NID1: variants seen among roughly 807,000 people sequenced by gnomAD.
NID1 encodes nidogen-1.
In NID1, 76 loss-of-function variants were observed where a neutral mutation model predicts 130.6. The observed-to-expected ratio is 0.58, with a 90% CI of 0.48 to 0.70. NID1 has a LOEUF of 0.70. Among genes scored for constraint, NID1 ranks in the 30% least tolerant of loss-of-function variants. The pLI is 0.00. For missense variants in NID1, 1,517 were observed against 1,664.8 expected, an observed-to-expected ratio of 0.91 and a Z score of 1.54; for synonymous variants, 665 against 675.1, an observed-to-expected ratio of 0.98 and a Z score of 0.23.
chr1:236,051,982 TA>T (rs1307831502), intron 1 of NID1, among the ~76,000 whole-genome samples: 1 of 152,258 alleles, frequency 6.6e-6, no homozygotes, highest in Non-Finnish European at 1.5e-5. Flanking sequence ...AACGGTCATA[TA>T]ACCCTCATTA....
intron 12 of NID1, among the ~76,000 whole-genome samples, chr1:236,008,553 T>A (rs543833323): frequency 3.4e-4 from 52 of 152,198 alleles, no homozygotes; most frequent in African/African-American, 1.3e-3. Flanking sequence ...CAGGCTGGAG[T>A]GCAGTGGTGC....
At position 236,032,627 on chromosome 1, in the gene NID1, C is replaced by T. The variant is rs140127203; in HGVS notation, c.1311G>A (p.Lys437=). 2.2e-5 allele frequency: 35 copies of T among 1,614,054 alleles called. No homozygotes were observed. The highest frequency in any genetic ancestry group is 2.7e-5 in the Non-Finnish European group (32 of 1,180,058). The change falls in exon 6 of 20, where the codon AAG becomes AAA. Residue 437 remains lysine, a synonymous_variant. Transcript: ENST00000264187. Reference sequence around the variant, plus strand: ...TCCCCACAAAGATCCTTCCTTTCACCTTGCCATTGACTCGCTGGGGGGAAC... The same window carrying T: ...TCCCCACAAAGATCCTTCCTTTCACTTTGCCATTGACTCGCTGGGGGGAAC... ...AEGSPQRVNG[K]VKGRIFVGSS... is the part of the protein sequence containing the mutation.
chr1:236,032,728 C>A (rs1238687616), intron 5 of NID1, 76 bp from the exon 6 acceptor site: 1 of 1,547,822 alleles, frequency 6.5e-7, no homozygotes, highest in Non-Finnish European at 8.7e-7. Flanking sequence ...TATGTAGGAC[C>A]TGTACCTATT....
chr1:236,031,681 A>G (rs1659106504), intron 6 of NID1, among the ~76,000 whole-genome samples: 1 of 152,168 alleles, frequency 6.6e-6, no homozygotes, highest in Non-Finnish European at 1.5e-5. Flanking sequence ...GTGACCAGCG[A>G]TGAAGGACAC....
chr1:236,061,034 G>A (rs373802149), intron 1 of NID1, among the ~76,000 whole-genome samples: 5 of 152,276 alleles, frequency 3.3e-5, no homozygotes, highest in South Asian at 4.1e-4. Flanking sequence ...TGCCTTTCCA[G>A]AATGAACAGT....
In NID1 at chr1:236,019,986, G is replaced by C. The variant is rs60635630; in HGVS notation, c.2129-2713C>G. ...CAGGGGGTGGAGGTTGCAGTGAGCC[G>C]AAATTGCGCCATTGTACTCCTGCCT... On this transcript the variant is annotated intron_variant, in intron 9 of 19. Transcript: ENST00000264187. 2.8e-3 allele frequency among the ~76,000 whole-genome samples: 396 copies of C among 141,566 alleles called. 1 individual carries two copies. The highest frequency in any genetic ancestry group is 9.7e-3 in the African/African-American group (361 of 37,346). 92.9% of individuals were successfully genotyped at this position (141,566 alleles called of 152,430 possible). A position where few individuals can be genotyped will look rare whatever the true frequency, so the allele number is the denominator to read the frequency against.
At chr1:236,031,562 G>A (rs1659103248) in intron 6 of NID1, among the ~76,000 whole-genome samples, 1 of 152,218 alleles carries the variant, frequency 6.6e-6, no homozygotes, top group Non-Finnish European at 1.5e-5. Flanking sequence ...ATAAAGCCTT[G>A]GCTAAGGCTC....
rs1249628313 is a variant in NID1 at position 236,020,057 on chromosome 1, AAC to A, written c.2129-2786_2129-2785del. On this transcript the variant is annotated intron_variant, in intron 9 of 19. Coordinates refer to ENST00000264187, the MANE Select transcript of NID1 (RefSeq NM_002508.3). ...GCCTTAAAAAAAAAAAAAAAAAAAA[AAC>A]AAAAACAAACTTCTTTTCTATAAAT... Among the ~76,000 whole-genome samples, 928 of 134,058 alleles carry A rather than the reference AAC, an allele frequency of 6.9e-3. 17 individuals are homozygous for A. Among genetic ancestry groups the A allele is most frequent in the African/African-American group, 0.023 (803 of 34,840 alleles). 87.9% of individuals were successfully genotyped at this position (134,058 alleles called of 152,430 possible). A position where few individuals can be genotyped will look rare whatever the true frequency, so the allele number is the denominator to read the frequency against.
In NID1 at chr1:236,017,164, A is replaced by G. The variant is rs889237842; in HGVS notation, c.2238T>C (p.Asp746=). 4 of 1,614,036 alleles carry G rather than the reference A, an allele frequency of 2.5e-6. No individual in the cohort carries two copies. The highest frequency in any genetic ancestry group is 1.7e-5 in the Admixed American group (1 of 60,008). Residue 746 remains aspartate, a synonymous_variant, in exon 10 of 20, where the codon GAT becomes GAC. Transcript: ENST00000264187. ...CECVEGYQFS[D]EGTCVAVVDQ... ...AGAACTTACCCACACACGTTCCCTC[A>G]TCTGAAAACTGGTAGCCCTCCACAC... is the stretch of plus-strand genomic sequence containing the variant.
chr1:235,985,718 A>G (rs887478529), intron 14 of NID1, among the ~76,000 whole-genome samples: 3 of 150,730 alleles, frequency 2.0e-5, no homozygotes, highest in African/African-American at 7.4e-5. Flanking sequence ...CTATATGTAT[A>G]GGAATTTGTG....
intron 9 of NID1, among the ~76,000 whole-genome samples, chr1:236,017,749 A>G (rs757479295): frequency 1.3e-5 from 2 of 152,180 alleles, no homozygotes; most frequent in Non-Finnish European, 2.9e-5. Context: ...ATAACTGGAG[A>G]GAGTGATCCC....
chr1:236,001,569 A>G (rs759700821), intron 12 of NID1, among the ~76,000 whole-genome samples: 2 of 152,226 alleles, frequency 1.3e-5, no homozygotes, highest in Non-Finnish European at 2.9e-5. Context: ...GGGGCCACTA[A>G]GAACAACACT....
intron 8 of NID1, among the ~76,000 whole-genome samples, chr1:236,025,300 C>T (rs898514780): frequency 2.3e-4 from 31 of 132,406 alleles, no homozygotes; most frequent in African/African-American, 8.5e-4. Context: ...CTCACTCTGT[C>T]GCCCAGGCTG....
chr1:236,001,394 C>T (rs1222214940), intron 12 of NID1, among the ~76,000 whole-genome samples: 1 of 152,088 alleles, frequency 6.6e-6, no homozygotes, highest in African/African-American at 2.4e-5. Flanking sequence ...CTTGAGCCAC[C>T]ACGCCCAGCC....
At chr1:235,999,962 C>A (rs1045283666) in intron 12 of NID1, among the ~76,000 whole-genome samples, 22 of 152,136 alleles carry the variant, frequency 1.4e-4, no homozygotes, top group African/African-American at 5.3e-4. Flanking sequence ...GCCTGTAATC[C>A]CAGCGCTTTG....
rs1483977863 is a variant in NID1, at chr1:236,041,946, C to T, written c.1099G>A (p.Val367Ile). 1 of 1,613,782 alleles carries T rather than the reference C, an allele frequency of 6.2e-7. No homozygotes were observed. Among genetic ancestry groups the T allele is most frequent in the Middle Eastern group, 1.7e-4 (1 of 6,056 alleles). Residue 367 changes from valine to isoleucine, a missense_variant, in exon 4 of 20, where the codon GTC (valine) becomes ATC (isoleucine). Coordinates refer to ENST00000264187, the MANE Select transcript of NID1 (RefSeq NM_002508.3). The part of the protein sequence containing the change: ...VETFHQQHPQ[V>I]IDVDEVEETG... The stretch of plus-strand genomic sequence containing the variant: ...TCCTCAACTTCATCCACATCTATGA[C>T]CTGAGGGTGCTGCTGGTGAAAAGTC...
At position 236,065,025 on chromosome 1, in the gene NID1, G is replaced by A. The variant is rs1385641766; in HGVS notation, c.55C>T (p.Pro19Ser). 2.6e-6 allele frequency: 4 copies of A among 1,559,994 alleles called. No individual in the cohort carries two copies. Among genetic ancestry groups the A allele is most frequent in the Non-Finnish European group, 3.5e-6 (4 of 1,152,274 alleles). The change falls in exon 1 of 20, where the codon CCG becomes TCG. Residue 19 changes from proline (P) to serine (S), a missense_variant. By Grantham distance (74) the Pro-to-Ser change is moderately conservative (BLOSUM62 -1). Transcript: ENST00000264187. The surrounding 1 kb of genome is among the most constrained non-coding windows in gnomAD (Gnocchi z 4.1). ...CCCACAGGCCCCGCCAGCAGCAGCG[G>A]CAGCAGCAGCGCCCGCGTCCACGCA... ...RAAWTRALLL[P>S]LLLAGPVGCL...
Position 236,048,756 on chromosome 1 carries a change from C to T in NID1, c.459G>A (p.Val153=), listed in dbSNP as rs1268613915. The T allele has an allele frequency of 4.3e-6, 7 of 1,613,210 alleles. No individual in the cohort carries two copies. Among genetic ancestry groups the T allele is most frequent in the Non-Finnish European group, 5.9e-6 (7 of 1,180,034 alleles). The change falls in exon 2 of 20, where the codon GTG becomes GTA. Residue 153 remains valine, a synonymous_variant. Transcript: ENST00000264187. ...PEISFQPSSA[V]VVTWESVAPY... ...GGGCCACGGATTCCCAAGTGACAAC[C>T]ACCGCGCTACTAGGCTGGAAAGAGA...
intron 6 of NID1, among the ~76,000 whole-genome samples, chr1:236,030,924 G>T (rs1298171851): frequency 6.6e-6 from 1 of 152,170 alleles, no homozygotes. Flanking sequence ...GTGAAAAGCT[G>T]TGCAGGGAAG....
Sources: gnomAD v4.1 joint callset for allele counts (sites outside exome capture counted in the v4.1 genomes callset) on GRCh38, gnomAD v4.1.1 for gene constraint, Gnocchi (gnomAD v3.1) non-coding constraint, MANE v1.5 for transcripts, NCBI Gene and HGNC (gene_info 2026-07-23, HGNC 2026-07-21) for gene names.